PCDH15: variants seen among roughly 807,000 people sequenced by gnomAD.
The protein encoded by PCDH15 is protocadherin related 15.
In PCDH15, 129 loss-of-function variants were observed where a neutral mutation model predicts 178.5. The observed-to-expected ratio is 0.72, with a 90% CI of 0.63 to 0.84. The LOEUF is 0.84. PCDH15 is among the 40% of genes least tolerant of loss of function. The pLI is 0.00. For missense variants in PCDH15, 2,230 were observed against 2,099.9 expected (o/e 1.06, Z -1.21); for synonymous variants, 800 against 732.0 (o/e 1.09, Z -1.50).
intron 2 of PCDH15, among the ~76,000 whole-genome samples, chr10:54,545,949 A>G (rs1042395920): frequency 2.0e-5 from 3 of 152,366 alleles, no homozygotes; most frequent in South Asian, 2.1e-4. Flanking sequence ...ACACAAGAAC[A>G]TAAAGGAACA....
At chr10:55,516,890 T>G (rs1361491738) in intron 2 of PCDH15, among the ~76,000 whole-genome samples, 1 of 152,072 alleles carries the variant, frequency 6.6e-6, no homozygotes, top group African/African-American at 2.4e-5. Context: ...CTCTGTAATT[T>G]TATATCAGCT....
At chr10:54,573,206 G>A (rs958929939) in intron 2 of PCDH15, among the ~76,000 whole-genome samples, 4 of 152,062 alleles carry the variant, frequency 2.6e-5, no homozygotes, top group Admixed American at 6.6e-5. Flanking sequence ...TCCAAGAGAA[G>A]TATTGCCTAT....
intron 2 of PCDH15, among the ~76,000 whole-genome samples, chr10:54,602,922 G>A (rs1297620319): frequency 6.6e-6 from 1 of 151,706 alleles, no homozygotes; most frequent in Admixed American, 6.6e-5. Context: ...CTGGCCTGTA[G>A]TTTACTTTTC....
chr10:55,115,129 C>T (rs886268881), intron 2 of PCDH15, among the ~76,000 whole-genome samples: 2 of 152,042 alleles, frequency 1.3e-5, no homozygotes, highest in African/African-American at 4.8e-5. Flanking sequence ...ATACTTGAAC[C>T]ATTTGTTTTC....
chr10:54,180,520 T>C (rs2047888523), intron 13 of PCDH15, among the ~76,000 whole-genome samples: 1 of 152,182 alleles, frequency 6.6e-6, no homozygotes, highest in African/African-American at 2.4e-5. Flanking sequence ...CTTTCAGTCT[T>C]TGACATCAGT....
intron 1 of PCDH15, among the ~76,000 whole-genome samples, chr10:55,238,263 C>A (rs1841445593): frequency 6.6e-6 from 1 of 151,294 alleles, no homozygotes; most frequent in Non-Finnish European, 1.5e-5. Context: ...CATTCTCCTG[C>A]CTCAGCCTCC....
At chr10:54,099,767 G>A (rs919381317) in intron 15 of PCDH15, among the ~76,000 whole-genome samples, 4 of 151,696 alleles carry the variant, frequency 2.6e-5, no homozygotes, top group African/African-American at 9.7e-5. Flanking sequence ...ATTCAATATA[G>A]CCCCTACCTT....
intron 2 of PCDH15, among the ~76,000 whole-genome samples, chr10:55,542,219 T>C (rs1056534232): frequency 6.6e-6 from 1 of 151,490 alleles, no homozygotes; most frequent in Non-Finnish European, 1.5e-5. Flanking sequence ...TGTCTATATA[T>C]GTGCATGTGT....
intron 2 of PCDH15, among the ~76,000 whole-genome samples, chr10:54,652,899 C>G (rs1160753709): frequency 6.6e-6 from 1 of 152,136 alleles, no homozygotes; most frequent in East Asian, 1.9e-4. Flanking sequence ...ACATTTCAAT[C>G]CCATGGTAGG....
At chr10:54,305,488 A>T (rs1249808819) in intron 8 of PCDH15, among the ~76,000 whole-genome samples, 1 of 152,066 alleles carries the variant, frequency 6.6e-6, no homozygotes, top group Non-Finnish European at 1.5e-5. Flanking sequence ...GGAAGTTTTA[A>T]TTTATTCCAT....
At chr10:55,293,229 C>A (rs978417368) in intron 1 of PCDH15, among the ~76,000 whole-genome samples, 5 of 152,080 alleles carry the variant, frequency 3.3e-5, no homozygotes, top group Admixed American at 1.3e-4. Flanking sequence ...CAGCCACAGC[C>A]AGAGAAGCTG....
At chr10:54,283,542 A>C (rs984072987) in intron 8 of PCDH15, among the ~76,000 whole-genome samples, 20 of 152,116 alleles carry the variant, frequency 1.3e-4, no homozygotes, top group African/African-American at 4.6e-4. Context: ...AGCTAGCTAG[A>C]TAGATATAGA....
intron 21 of PCDH15, among the ~76,000 whole-genome samples, chr10:53,965,178 C>T (rs961137502): frequency 1.3e-5 from 2 of 151,926 alleles, no homozygotes; most frequent in Non-Finnish European, 2.9e-5. Context: ...CTGCCTCAGC[C>T]TCTCAGGCAG....
intron 35 of PCDH15, among the ~76,000 whole-genome samples, 165 bp downstream of exon 35, chr10:53,816,074 T>A (rs919847226): frequency 2.0e-5 from 3 of 152,172 alleles, no homozygotes; most frequent in Admixed American, 6.5e-5. Flanking sequence ...CAGGAGGTGA[T>A]TTCTTGGTTT....
At chr10:55,432,364 T>TTTTGATTTTATTTTGA (rs903299464) in intron 2 of PCDH15, among the ~76,000 whole-genome samples, 5 of 152,206 alleles carry the variant, frequency 3.3e-5, no homozygotes, top group African/African-American at 1.2e-4. Context: ...TTTGATTTTA[T>TTTTGATTTTATTTTGA]TCTGAGTGCT....
chr10:55,414,768 GGGGTGTGT>G (rs1838433457), intron 2 of PCDH15, among the ~76,000 whole-genome samples: 2 of 94,278 alleles, frequency 2.1e-5, no homozygotes, highest in African/African-American at 9.6e-5. Flanking sequence ...TTTCTAACAA[GGGGTGTGT>G]GTGTGTGTGT....
At chr10:54,555,147 A>G (rs2087038938) in intron 2 of PCDH15, among the ~76,000 whole-genome samples, 1 of 152,226 alleles carries the variant, frequency 6.6e-6, no homozygotes, top group African/African-American at 2.4e-5. Flanking sequence ...AAACATTAAC[A>G]GACAGTATCA....
At chr10:54,659,775 T>C (rs1452568624) in intron 2 of PCDH15, among the ~76,000 whole-genome samples, 1 of 146,994 alleles carries the variant, frequency 6.8e-6, no homozygotes, top group East Asian at 2.0e-4. Context: ...AAAATACATA[T>C]CAGGAGAAAC....
At chr10:54,810,377 C>T (rs1048759376) in intron 3 of PCDH15, among the ~76,000 whole-genome samples, 6 of 151,998 alleles carry the variant, frequency 3.9e-5, no homozygotes, top group Admixed American at 3.9e-4. Flanking sequence ...GAGTAGGATG[C>T]GTGGAATATC....
Sources: gnomAD v4.1 joint callset for allele counts (sites outside exome capture counted in the v4.1 genomes callset) on GRCh38, gnomAD v4.1.1 for gene constraint, MANE v1.5 for transcripts, NCBI Gene and HGNC (gene_info 2026-07-23, HGNC 2026-07-21) for gene names.